Variants in TRHDE observed in about 807,000 individuals in gnomAD.
The protein encoded by TRHDE is thyrotropin releasing hormone degrading enzyme.
TRHDE carries 72 observed loss-of-function variants against 125.7 expected under a neutral mutation model. The observed-to-expected ratio is 0.57, with a 90% CI of 0.47 to 0.70. The LOEUF is 0.70. Ranked by LOEUF, TRHDE falls within the 30% of genes least tolerant of loss-of-function variation. TRHDE has a pLI of 0.00. For missense variants in TRHDE, 1,110 were observed against 1,327.1 expected (o/e 0.84, Z 2.54); for synonymous variants, 509 against 509.1 (o/e 1.00, Z 0.00).
intron 15 of TRHDE, among the ~76,000 whole-genome samples, chr12:72,644,974 T>G (rs1874222093): frequency 6.6e-6 from 1 of 152,218 alleles, no homozygotes; most frequent in South Asian, 2.1e-4. Context: ...AGACAGTTAG[T>G]AGAGGTTCCC....
chr12:72,381,333 T>A (rs142768581), intron 3 of TRHDE, among the ~76,000 whole-genome samples: 4 of 152,010 alleles, frequency 2.6e-5, no homozygotes, highest in Non-Finnish European at 5.9e-5. Context: ...TGGATGAGGA[T>A]GTTAACAGTT....
chr12:72,580,695 C>T (rs1871184738), intron 12 of TRHDE, among the ~76,000 whole-genome samples: 1 of 152,216 alleles, frequency 6.6e-6, no homozygotes, highest in African/African-American at 2.4e-5. Flanking sequence ...CCCACCTTGG[C>T]CTCCCAAAGG....
At chr12:72,356,132 T>C (rs1870807376) in intron 2 of TRHDE, among the ~76,000 whole-genome samples, 1 of 151,608 alleles carries the variant, frequency 6.6e-6, no homozygotes, top group Non-Finnish European at 1.5e-5. Context: ...AGACATGGGA[T>C]CAATCTAAAT....
chr12:72,613,392 TCTG>T (rs1463664663), intron 12 of TRHDE, among the ~76,000 whole-genome samples: 4 of 152,234 alleles, frequency 2.6e-5, no homozygotes, highest in South Asian at 4.1e-4. Context: ...ATTTTCTCAT[TCTG>T]CTATTTTTTA....
intron 2 of TRHDE, among the ~76,000 whole-genome samples, chr12:72,307,609 A>G (rs548377234): frequency 6.6e-6 from 1 of 152,206 alleles, no homozygotes; most frequent in South Asian, 2.1e-4. Context: ...GGTTTGGGAT[A>G]TATTTTGAAG....
At chr12:72,290,522 C>T (rs1164753221) in intron 2 of TRHDE, among the ~76,000 whole-genome samples, 1 of 152,174 alleles carries the variant, frequency 6.6e-6, no homozygotes, top group Admixed American at 6.5e-5. Context: ...TTCAAAGTTT[C>T]TGTAGGCTAG....
chr12:72,459,128 C>T lies in TRHDE; in HGVS notation c.1316-10630C>T, dbSNP rs1271497423. ...TCAGCTCATGGTCCCCTTCTATCTTCAAAGCCAGCAATGCCTGGTAGAATC... is the reference window on the plus strand; with the variant it reads ...TCAGCTCATGGTCCCCTTCTATCTTTAAAGCCAGCAATGCCTGGTAGAATC... On this transcript the variant is annotated intron_variant, in intron 3 of 18. Coordinates refer to ENST00000261180, the MANE Select transcript of TRHDE (RefSeq NM_013381.3). Among the ~76,000 whole-genome samples, 3 of 152,270 alleles carry T rather than the reference C, an allele frequency of 2.0e-5. No homozygotes were observed. The East Asian group carries it at 5.8e-4, about 29-fold the overall frequency.
At chr12:72,643,489 C>A (rs1234775491) in intron 15 of TRHDE, among the ~76,000 whole-genome samples, 1 of 152,126 alleles carries the variant, frequency 6.6e-6, no homozygotes, top group Non-Finnish European at 1.5e-5. Context: ...AAATATAGAA[C>A]CTGCCCTTGT....
intron 5 of TRHDE, among the ~76,000 whole-genome samples, chr12:72,479,509 T>C (rs1397055164): frequency 1.3e-5 from 2 of 152,182 alleles, no homozygotes; most frequent in African/African-American, 4.8e-5. Flanking sequence ...TATTAACATA[T>C]ATTTCTATCT....
chr12:72,260,537 A>G (rs1878926791), intron 2 of TRHDE, among the ~76,000 whole-genome samples: 3 of 152,156 alleles, frequency 2.0e-5, no homozygotes, highest in Admixed American at 1.3e-4. Context: ...TTTAATGCCC[A>G]GTCTTGATTT....
chr12:72,360,348 C>T (rs750712791), intron 2 of TRHDE, among the ~76,000 whole-genome samples: 5 of 151,522 alleles, frequency 3.3e-5, no homozygotes, highest in Non-Finnish European at 7.4e-5. Flanking sequence ...TGATTACTAT[C>T]CAGGATATAC....
At chr12:72,361,403 A>G (rs991980501) in intron 2 of TRHDE, among the ~76,000 whole-genome samples, 1 of 151,842 alleles carries the variant, frequency 6.6e-6, no homozygotes, top group Non-Finnish European at 1.5e-5. Context: ...AATATTTGAT[A>G]CATTTGTTGG....
chr12:72,222,840 A>G (rs1362013878), intron 2 of TRHDE, among the ~76,000 whole-genome samples: 8 of 152,096 alleles, frequency 5.3e-5, no homozygotes, highest in Non-Finnish European at 1.2e-4. Flanking sequence ...CACCTCTACC[A>G]TTTGGAGTGC....
At chr12:72,374,865 C>T (rs934084919) in intron 2 of TRHDE, among the ~76,000 whole-genome samples, 1 of 152,070 alleles carries the variant, frequency 6.6e-6, no homozygotes, top group African/African-American at 2.4e-5. Context: ...AGGTGAATGC[C>T]CTACTTGCAC....
At chr12:72,551,199 A>G (rs1020971007) in intron 7 of TRHDE, among the ~76,000 whole-genome samples, 1 of 152,128 alleles carries the variant, frequency 6.6e-6, no homozygotes, top group Non-Finnish European at 1.5e-5. Flanking sequence ...TGTTGCAAAG[A>G]CTTAAGTTAC....
At chr12:72,096,541 CA>C (rs1430501051) in intron 1 of TRHDE, among the ~76,000 whole-genome samples, 1 of 152,084 alleles carries the variant, frequency 6.6e-6, no homozygotes, top group African/African-American at 2.4e-5. Context: ...CCAAAGATGG[CA>C]AAAAAGTAAG....
intron 3 of TRHDE, among the ~76,000 whole-genome samples, chr12:72,381,519 C>T (rs1872178494): frequency 6.6e-6 from 1 of 150,956 alleles, no homozygotes; most frequent in Non-Finnish European, 1.5e-5. Context: ...CCTCAGCCTC[C>T]CAAGTAGCTG....
At chr12:72,382,634 A>G (rs889496282) in intron 3 of TRHDE, among the ~76,000 whole-genome samples, 3 of 152,226 alleles carry the variant, frequency 2.0e-5, no homozygotes, top group East Asian at 1.9e-4. Flanking sequence ...ACTCTCTACC[A>G]GTTGGCCTGA....
chr12:72,167,273 C>T lies in TRHDE; in HGVS notation n.279+61521C>T, dbSNP rs115223833. Among the ~76,000 whole-genome samples the T allele has an allele frequency of 2.6e-3, 400 of 152,128 alleles. 4 individuals carry two copies. Among genetic ancestry groups the T allele is most frequent in the African/African-American group, 9.3e-3 (385 of 41,504 alleles). On this transcript the variant is annotated intron_variant and non_coding_transcript_variant, in intron 2 of 4. Transcript: ENST00000548156. Reference sequence around the variant, plus strand: ...TTTAAGTACATGAACTTTCTTCCACCGTAGTTGATATGGTTATATATCAAC... The same window carrying T: ...TTTAAGTACATGAACTTTCTTCCACTGTAGTTGATATGGTTATATATCAAC...
Sources: allele counts gnomAD v4.1 joint callset (sites outside exome capture counted in the v4.1 genomes callset), GRCh38; gene constraint gnomAD v4.1.1; transcripts MANE v1.5; gene names NCBI Gene and HGNC (gene_info 2026-07-23, HGNC 2026-07-21).